Variants in ATP9A observed in about 807,000 individuals in gnomAD.
ATP9A encodes the protein probable phospholipid-transporting ATPase IIA.
In ATP9A, 52 loss-of-function variants were observed where a neutral mutation model predicts 144.1. The ratio of observed to expected loss-of-function variants is 0.36; its 90% CI spans 0.29 to 0.45. ATP9A has a LOEUF of 0.45. Among genes scored for constraint, ATP9A ranks in the 20% least tolerant of loss-of-function variants. The pLI, the probability that ATP9A is intolerant of heterozygous loss-of-function variation, is 1.00. For synonymous variants in ATP9A, 582 were observed against 557.4 expected (o/e 1.04, Z -0.62); for missense variants, 947 against 1,392.7 (o/e 0.68, Z 5.09).
At chr20:51,625,080 C>T (rs150168875) in intron 18 of ATP9A, 112 bp downstream of exon 18, 19,291 of 1,001,106 alleles carry the variant, frequency 0.019, 232 homozygotes, top group Non-Finnish European at 0.025. Context: ...ATAAGGCACT[C>T]CTGGTGTCCT....
intron 1 of ATP9A, among the ~76,000 whole-genome samples, chr20:51,749,759 G>C (rs1329380414): frequency 3.3e-5 from 5 of 152,162 alleles, no homozygotes; most frequent in Non-Finnish European, 4.4e-5. Context: ...TGACTAGAGA[G>C]AGTGGGAGGG....
chr20:51,715,353 A>G (rs2077657491), intron 3 of ATP9A, among the ~76,000 whole-genome samples: 1 of 152,220 alleles, frequency 6.6e-6, no homozygotes, highest in Non-Finnish European at 1.5e-5. Flanking sequence ...ACCAGACCAC[A>G]TAGGGAGTGA....
Position 51,697,595 on chromosome 20 carries a change from C to CA in ATP9A, c.437-114dup, listed in dbSNP as rs1396869878. 2.3e-5 allele frequency: 21 copies of CA among 905,862 alleles called. No homozygotes were observed. The East Asian group carries it at 5.4e-4, about 23-fold the overall frequency. The allele number at this position is 905,862 out of a possible 1,614,324, so 56.1% of individuals were successfully genotyped here. ...CAATACACCCAGAAGTACACGCTCCCACACACAGCTGCCAGTGACTCCAGC... is the reference window on the plus strand; with the variant it reads ...CAATACACCCAGAAGTACACGCTCCCAACACACAGCTGCCAGTGACTCCAGC... On this transcript the variant is annotated intron_variant, in intron 4 of 27. Coordinates refer to ENST00000338821, the MANE Select transcript of ATP9A (RefSeq NM_006045.3).
At chr20:51,613,952 C>A (rs1271414353) in intron 22 of ATP9A, 120 bp from the exon 23 acceptor site, 3 of 1,147,062 alleles carry the variant, frequency 2.6e-6, no homozygotes, top group Non-Finnish European at 3.6e-6. Context: ...GAAAGAAATT[C>A]TTTGGTTTCA....
At chr20:51,757,382 A>G (rs1452935429) in intron 1 of ATP9A, among the ~76,000 whole-genome samples, 1 of 152,122 alleles carries the variant, frequency 6.6e-6, no homozygotes, top group Admixed American at 6.6e-5. Flanking sequence ...TGCCAGGCCC[A>G]CGGTAGGAGC....
At chr20:51,674,451 C>G in intron 10 of ATP9A, 138 bp from the exon 11 acceptor site, 1 of 774,140 alleles carries the variant, frequency 1.3e-6, no homozygotes, top group Non-Finnish European at 2.0e-6. Context: ...CCTTCCCCTA[C>G]AAACACCTCT....
intron 14 of ATP9A, among the ~76,000 whole-genome samples, chr20:51,650,361 C>A (rs994838762): frequency 6.6e-6 from 1 of 151,942 alleles, no homozygotes; most frequent in African/African-American, 2.4e-5. Context: ...TGGTGAAACC[C>A]CGTCTCTACT....
chr20:51,701,796 C>T (rs1343837038), intron 4 of ATP9A, among the ~76,000 whole-genome samples: 1 of 152,166 alleles, frequency 6.6e-6, no homozygotes, highest in African/African-American at 2.4e-5. Context: ...CCAGACTCTC[C>T]CCTTCTGTTG....
chr20:51,637,246 G>A (rs2077296033), intron 15 of ATP9A, among the ~76,000 whole-genome samples: 1 of 148,992 alleles, frequency 6.7e-6, no homozygotes, highest in Non-Finnish European at 1.5e-5. Flanking sequence ...AAGATAGGAG[G>A]GCGAGAAAAA....
At chr20:51,649,557 A>G (rs2179747) in intron 14 of ATP9A, among the ~76,000 whole-genome samples, 68,387 of 152,028 alleles carry the variant, frequency 0.45, 16,871 homozygotes, top group East Asian at 0.8. Flanking sequence ...GGACCTGTGA[A>G]GTCAATGGCC....
intron 13 of ATP9A, among the ~76,000 whole-genome samples, chr20:51,660,845 A>G (rs1011745609): frequency 1.3e-5 from 2 of 152,126 alleles, no homozygotes; most frequent in African/African-American, 2.4e-5. Flanking sequence ...ACCTACACAC[A>G]TTTCTTCTTA....
chr20:51,701,292 G>A (rs2077592279), intron 4 of ATP9A, among the ~76,000 whole-genome samples: 1 of 152,038 alleles, frequency 6.6e-6, no homozygotes, highest in Non-Finnish European at 1.5e-5. Context: ...ACAAAATCAG[G>A]GAGATTTCAC....
rs1457659318 is a variant in ATP9A, at chr20:51,719,732, A to C, written c.327+6087T>G. Among the ~76,000 whole-genome samples, 4 of 83,492 alleles carry C rather than the reference A, an allele frequency of 4.8e-5. No homozygotes were observed. The Admixed American group carries it at 5.3e-4, about 11-fold the overall frequency. 54.8% of individuals were successfully genotyped at this position (83,492 alleles called of 152,430 possible). A position where few individuals can be genotyped will look rare whatever the true frequency, so the allele number is the denominator to read the frequency against. ...TGGCAACAGATCAAGACTCTGTCTC[A>C]AAAAAAAAAAAAAGGGGGGGGAAGA... is the stretch of plus-strand genomic sequence containing the variant. On this transcript the variant is annotated intron_variant, in intron 3 of 27. Coordinates refer to ENST00000338821, the MANE Select transcript of ATP9A (RefSeq NM_006045.3).
At chr20:51,681,341 CT>C (rs1390097844) in intron 9 of ATP9A, among the ~76,000 whole-genome samples, 1 of 152,194 alleles carries the variant, frequency 6.6e-6, no homozygotes, top group African/African-American at 2.4e-5. Context: ...GCATTTGCAG[CT>C]CAGCTCAACT....
rs557688056 is a variant in ATP9A, at chr20:51,600,255, C to G, written c.*956G>C. The G allele has an allele frequency of 6.6e-6, 1 of 152,336 alleles. No homozygotes were observed. Among genetic ancestry groups the G allele is most frequent in the Non-Finnish European group, 1.5e-5 (1 of 68,048 alleles). 9.4% of individuals were successfully genotyped at this position (152,336 alleles called of 1,614,324 possible). A position where few individuals can be genotyped will look rare whatever the true frequency, so the allele number is the denominator to read the frequency against. ...TCTATGGAAGAGAAGAGTCCCAGCCCCCTGACCTTTCCGCTTTGGTCTTGG... is the reference window on the plus strand; with the variant it reads ...TCTATGGAAGAGAAGAGTCCCAGCCGCCTGACCTTTCCGCTTTGGTCTTGG... On this transcript the variant is annotated 3_prime_UTR_variant, in exon 28 of 28. Transcript: ENST00000338821.
intron 1 of ATP9A, among the ~76,000 whole-genome samples, chr20:51,766,492 A>T (rs1025733556): frequency 6.6e-6 from 1 of 152,194 alleles, no homozygotes; most frequent in African/African-American, 2.4e-5. Flanking sequence ...TTTACGGAGG[A>T]TGTACGATGT....
chr20:51,765,298 G>A (rs2077898650), intron 1 of ATP9A, among the ~76,000 whole-genome samples: 1 of 152,040 alleles, frequency 6.6e-6, no homozygotes, highest in East Asian at 1.9e-4. Context: ...ATATACAAGA[G>A]CATTTACGCA....
intron 13 of ATP9A, among the ~76,000 whole-genome samples, chr20:51,664,443 C>A (rs999281475): frequency 1.3e-5 from 2 of 151,832 alleles, no homozygotes; most frequent in African/African-American, 4.8e-5. Context: ...CAAAAATTAG[C>A]CAGGTATGGT....
In ATP9A at chr20:51,676,015, G is replaced by A; in HGVS notation, c.876+117C>T. The A allele has an allele frequency of 7.0e-6, 5 of 719,324 alleles. No homozygotes were observed. In the South Asian group the frequency reaches 9.6e-5, roughly 14 times the overall value. The allele number at this position is 719,324 out of a possible 1,614,324, so 44.6% of individuals were successfully genotyped here. A position where few individuals can be genotyped will look rare whatever the true frequency, so the allele number is the denominator to read the frequency against. ...ACACACACACACATATGCATAAAAA[G>A]ATAAAATGTCTGTATAAATATCACT... On this transcript the variant is annotated intron_variant, in intron 10 of 27. Transcript: ENST00000338821.
Sources: gnomAD v4.1 joint callset for allele counts (sites outside exome capture counted in the v4.1 genomes callset) on GRCh38, gnomAD v4.1.1 for gene constraint, MANE v1.5 for transcripts, NCBI Gene and HGNC (gene_info 2026-07-23, HGNC 2026-07-21) for gene names.